Variants in CYP19A1 observed in about 807,000 individuals in gnomAD.
CYP19A1 encodes the protein cytochrome P450 family 19 subfamily A member 1, also known as aromatase.
In CYP19A1, 32 loss-of-function variants were observed where a neutral mutation model predicts 44.4. That is an observed-to-expected ratio of 0.72 (90% CI 0.54 to 0.97). The LOEUF (loss-of-function observed/expected upper bound fraction) is 0.97, where lower values mean the gene tolerates loss of function less well. CYP19A1 is among the 50% of genes least tolerant of loss of function. The probability of loss-of-function intolerance (pLI) is 0.00; values close to 1 mark genes in which losing one functional copy is unlikely to be tolerated. For missense variants in CYP19A1, 598 were observed against 637.8 expected (o/e 0.94, Z 0.67); for synonymous variants, 212 against 215.6 (o/e 0.98, Z 0.14).
At chr15:51,258,168 C>A (rs1296293886) in intron 1 of CYP19A1, among the ~76,000 whole-genome samples, 1 of 152,160 alleles carries the variant, frequency 6.6e-6, no homozygotes, top group Non-Finnish European at 1.5e-5. Flanking sequence ...TTGTGCTGGG[C>A]AGATAACATT....
intron 1 of CYP19A1, among the ~76,000 whole-genome samples, chr15:51,317,493 T>C (rs1211700612): frequency 6.6e-6 from 1 of 152,226 alleles, no homozygotes; most frequent in Non-Finnish European, 1.5e-5. Flanking sequence ...AAAACAATGA[T>C]CTGCTTTATG....
At position 51,210,430 on chromosome 15, in the gene CYP19A1, C is replaced by T. The variant is rs2030818194; in HGVS notation, c.*378G>A. On this transcript the variant is annotated 3_prime_UTR_variant, in exon 10 of 10. Transcript: ENST00000396402. ...TTTCTAATCAACTTGAGTGTTTCTG[C>T]CCCAGACATAAAAATCCCCTTGGGT... 10 of 515,712 alleles carry T rather than the reference C, an allele frequency of 1.9e-5. No homozygotes were observed. The highest frequency in any genetic ancestry group is 1.4e-4 in the South Asian group (9 of 64,644). The allele number at this position is 515,712 out of a possible 1,614,324, so 31.9% of individuals were successfully genotyped here.
intron 2 of CYP19A1, among the ~76,000 whole-genome samples, chr15:51,240,058 C>T (rs1238088869): frequency 6.9e-5 from 2 of 29,042 alleles, no homozygotes; most frequent in African/African-American, 1.5e-4. Flanking sequence ...ACCCCGCCCC[C>T]CTCCCCCGGC....
intron 1 of CYP19A1, among the ~76,000 whole-genome samples, chr15:51,268,901 G>A (rs2035025056): frequency 6.6e-6 from 1 of 152,116 alleles, no homozygotes; most frequent in Admixed American, 6.5e-5. Flanking sequence ...TTAAAAAAAT[G>A]GGGTTGTCTT....
At chr15:51,295,973 T>C (rs1330860182) in intron 1 of CYP19A1, among the ~76,000 whole-genome samples, 1 of 152,150 alleles carries the variant, frequency 6.6e-6, no homozygotes, top group African/African-American at 2.4e-5. Context: ...AGGTTGAAGA[T>C]GACCATGACC....
At chr15:51,298,767 C>T (rs899875639) in intron 1 of CYP19A1, among the ~76,000 whole-genome samples, 1 of 152,266 alleles carries the variant, frequency 6.6e-6, no homozygotes, top group Admixed American at 6.5e-5. Flanking sequence ...AATAGCTCAA[C>T]TGCTGCTGAT....
intron 1 of CYP19A1, among the ~76,000 whole-genome samples, chr15:51,250,513 G>C (rs908923364): frequency 6.6e-6 from 1 of 152,202 alleles, no homozygotes; most frequent in African/African-American, 2.4e-5. Context: ...CTAATCTATT[G>C]TCTTCCCAGT....
intron 8 of CYP19A1, among the ~76,000 whole-genome samples, chr15:51,214,555 G>A (rs1345882640): frequency 6.6e-6 from 1 of 152,206 alleles, no homozygotes; most frequent in Non-Finnish European, 1.5e-5. Flanking sequence ...CAGAAACAGT[G>A]CTATAAATGA....
chr15:51,318,060 C>T (rs1056746842), intron 1 of CYP19A1, among the ~76,000 whole-genome samples: 2 of 152,166 alleles, frequency 1.3e-5, no homozygotes, highest in East Asian at 3.8e-4. Flanking sequence ...CTATCCTTAA[C>T]TCAGAGCACT....
At chr15:51,278,804 T>C (rs1004376898) in intron 1 of CYP19A1, 2 of 152,170 alleles carry the variant, frequency 1.3e-5, no homozygotes, top group Admixed American at 1.3e-4. Context: ...AAGGTAAGGT[T>C]TGACTTGGGG....
At chr15:51,292,481 G>A (rs868460246) in intron 1 of CYP19A1, among the ~76,000 whole-genome samples, 3 of 152,332 alleles carry the variant, frequency 2.0e-5, no homozygotes, top group Middle Eastern at 3.4e-3. Flanking sequence ...CCAAATTTAT[G>A]GAAAGCTTTC....
At chr15:51,234,504 G>A (rs1055689665) in intron 3 of CYP19A1, among the ~76,000 whole-genome samples, 1 of 152,024 alleles carries the variant, frequency 6.6e-6, no homozygotes, top group East Asian at 1.9e-4. Context: ...GGAAATTCAC[G>A]GACTTTTTCT....
intron 4 of CYP19A1, among the ~76,000 whole-genome samples, chr15:51,225,409 T>C (rs1460728294): frequency 2.0e-5 from 3 of 152,242 alleles, no homozygotes; most frequent in Non-Finnish European, 4.4e-5. Context: ...CGGGATCTTA[T>C]AGCATTATTT....
chr15:51,253,399 A>G (rs1421652059), intron 1 of CYP19A1, among the ~76,000 whole-genome samples: 3 of 152,178 alleles, frequency 2.0e-5, no homozygotes, highest in Non-Finnish European at 4.4e-5. Flanking sequence ...AGGTTACTAT[A>G]TCTGTCTTGA....
At chr15:51,223,585 T>TCACA (rs1566877198) in intron 4 of CYP19A1, among the ~76,000 whole-genome samples, 1 of 79,228 alleles carries the variant, frequency 1.3e-5, no homozygotes, top group South Asian at 5.8e-4. Flanking sequence ...TCTCTCTCTC[T>TCACA]CTCTCTCTCA....
chr15:51,292,122 A>G (rs2035860840), intron 1 of CYP19A1, among the ~76,000 whole-genome samples: 1 of 152,226 alleles, frequency 6.6e-6, no homozygotes, highest in African/African-American at 2.4e-5. Context: ...GAGAGACCCA[A>G]TAAAGGTGGA....
intron 1 of CYP19A1, chr15:51,313,271 T>A (rs984037744): frequency 1.3e-5 from 2 of 152,262 alleles, no homozygotes; most frequent in African/African-American, 2.4e-5. Context: ...TTCTCTTCTT[T>A]GTTTTACCCT....
At chr15:51,311,953 A>T (rs947805254) in intron 1 of CYP19A1, among the ~76,000 whole-genome samples, 2 of 152,170 alleles carry the variant, frequency 1.3e-5, no homozygotes, top group African/African-American at 2.4e-5. Flanking sequence ...CTTATGTGAA[A>T]TTTTTCTGTT....
chr15:51,279,963 G>A (rs1407865390), intron 1 of CYP19A1: 1 of 152,114 alleles, frequency 6.6e-6, no homozygotes, highest in Non-Finnish European at 1.5e-5. Flanking sequence ...TGTTAACTTC[G>A]AAGTCAAAGG....
Sources: gnomAD v4.1 joint callset for allele counts (sites outside exome capture counted in the v4.1 genomes callset) on GRCh38, gnomAD v4.1.1 for gene constraint, MANE v1.5 for transcripts, NCBI Gene and HGNC (gene_info 2026-07-23, HGNC 2026-07-21) for gene names.